The following FAM114A1 variants were observed in gnomAD, a reference collection of about 807,000 sequenced individuals.
FAM114A1 encodes protein NOXP20.
In FAM114A1, 62 loss-of-function variants were observed where a neutral mutation model predicts 64.3. That is an observed-to-expected ratio of 0.96 (90% CI 0.79 to 1.19). FAM114A1 has a LOEUF of 1.19. Among genes scored for constraint, FAM114A1 ranks in the 50% most tolerant of loss-of-function variants. The probability of loss-of-function intolerance (pLI) is 0.00; values close to 1 mark genes in which losing one functional copy is unlikely to be tolerated. For synonymous variants in FAM114A1, 254 were observed against 251.1 expected (o/e 1.01, Z -0.11); for missense variants, 645 against 676.3 (o/e 0.95, Z 0.51).
chr4:38,936,935 T>C (rs1325391321), intron 13 of FAM114A1, among the ~76,000 whole-genome samples: 1 of 152,218 alleles, frequency 6.6e-6, no homozygotes, highest in East Asian at 1.9e-4. Context: ...GTGTTTCTAT[T>C]AACAGGGTAA....
chr4:38,922,764 T>C lies in FAM114A1; in HGVS notation c.946-6T>C. The C allele has an allele frequency of 6.2e-7, 1 of 1,607,400 alleles. No individual in the cohort carries two copies. The highest frequency in any genetic ancestry group is 8.5e-7 in the Non-Finnish European group (1 of 1,178,268). On this transcript the variant is annotated splice_region_variant and splice_polypyrimidine_tract_variant and intron_variant, in intron 8 of 14. Transcript: ENST00000358869. ...GACAGTCGTGCTGACCTATTTCTTT[T>C]TTCAGGTTCAGTCATTTTTAGCATC...
Position 38,891,791 on chromosome 4 carries a change from T to G in FAM114A1, c.397T>G (p.Trp133Gly). Residue 133 changes from tryptophan to glycine, a missense_variant, in exon 4 of 15, where the codon TGG (tryptophan) becomes GGG (glycine). Trp to Gly is a radical substitution (Grantham distance 184). Transcript: ENST00000358869. ...SGGGWAGWGS[W>G]GKSLLSSASA... The stretch of plus-strand genomic sequence containing the variant: ...AGGAGGATGGGCAGGCTGGGGATCC[T>G]GGGGCAAATCTCTGCTGTCGTCAGC... 1 of 1,612,834 alleles carries G rather than the reference T, an allele frequency of 6.2e-7. No homozygotes were observed. The highest frequency in any genetic ancestry group is 1.1e-5 in the South Asian group (1 of 90,882).
chr4:38,907,722 G>A (rs1249368611), intron 6 of FAM114A1, among the ~76,000 whole-genome samples: 1 of 152,062 alleles, frequency 6.6e-6, no homozygotes, highest in Non-Finnish European at 1.5e-5. Context: ...ATTGGAAAAT[G>A]CATATCAGTA....
intron 4 of FAM114A1, among the ~76,000 whole-genome samples, chr4:38,895,583 G>A (rs896519930): frequency 2.0e-5 from 3 of 152,146 alleles, no homozygotes; most frequent in Non-Finnish European, 4.4e-5. Context: ...CACTCCAAAG[G>A]GAAGGGATCA....
At chr4:38,923,126 A>C (rs1719770254) in intron 9 of FAM114A1, among the ~76,000 whole-genome samples, 1 of 152,098 alleles carries the variant, frequency 6.6e-6, no homozygotes. Flanking sequence ...AATCCCTGGC[A>C]CATCACAGGC....
chr4:38,902,969 T>C (rs1717652329), intron 4 of FAM114A1, among the ~76,000 whole-genome samples: 2 of 152,164 alleles, frequency 1.3e-5, no homozygotes, highest in Non-Finnish European at 2.9e-5. Context: ...ATCTTAGCTA[T>C]GAAAAATTAT....
At chr4:38,895,743 A>G (rs887790113) in intron 4 of FAM114A1, among the ~76,000 whole-genome samples, 1 of 152,234 alleles carries the variant, frequency 6.6e-6, no homozygotes, top group Non-Finnish European at 1.5e-5. Flanking sequence ...AGACCTACAC[A>G]GCTAGGCTAT....
At chr4:38,878,558 A>T in intron 3 of FAM114A1, 132 bp downstream of exon 3, 1 of 675,486 alleles carries the variant, frequency 1.5e-6, no homozygotes, top group Non-Finnish European at 2.4e-6. Flanking sequence ...CTGTCATCAG[A>T]AATGTGTAGT....
At chr4:38,892,681 G>A (rs544728629) in intron 4 of FAM114A1, among the ~76,000 whole-genome samples, 2 of 152,334 alleles carry the variant, frequency 1.3e-5, no homozygotes, top group African/African-American at 4.8e-5. Context: ...GATAGGGGAA[G>A]CCACAGGTAA....
At chr4:38,941,729 G>A (rs1198372637) in intron 14 of FAM114A1, among the ~76,000 whole-genome samples, 1 of 152,198 alleles carries the variant, frequency 6.6e-6, no homozygotes, top group African/African-American at 2.4e-5. Flanking sequence ...TAAACTATAA[G>A]TAACAGCCGC....
chr4:38,924,581 G>A (rs1365749701), intron 9 of FAM114A1, among the ~76,000 whole-genome samples: 1 of 152,164 alleles, frequency 6.6e-6, no homozygotes, highest in Non-Finnish European at 1.5e-5. Flanking sequence ...TCAGCTTAAT[G>A]AGATTTATGC....
chr4:38,935,606 T>C, intron 12 of FAM114A1, 112 bp from the exon 13 acceptor site: 1 of 676,908 alleles, frequency 1.5e-6, no homozygotes, highest in Non-Finnish European at 2.4e-6. Context: ...TCTTCAAGCA[T>C]GTGTGGCATT....
chr4:38,938,068 A>G (rs948950442), intron 13 of FAM114A1, among the ~76,000 whole-genome samples: 18 of 152,176 alleles, frequency 1.2e-4, no homozygotes, highest in Admixed American at 1.0e-3. Context: ...GCTGCTATTA[A>G]TGTGACTCAG....
intron 7 of FAM114A1, among the ~76,000 whole-genome samples, chr4:38,911,861 C>CT (rs375816760): frequency 0.024 from 1,307 of 54,042 alleles, 43 homozygotes; most frequent in African/African-American, 0.053. Flanking sequence ...TTTCTTTTTT[C>CT]TTTTTTTTTT....
At chr4:38,937,860 G>A (rs1162454442) in intron 13 of FAM114A1, among the ~76,000 whole-genome samples, 2 of 152,028 alleles carry the variant, frequency 1.3e-5, no homozygotes, top group African/African-American at 4.8e-5. Flanking sequence ...TCAGCCTCCT[G>A]AGTAGCTGGG....
intron 8 of FAM114A1, among the ~76,000 whole-genome samples, chr4:38,920,086 A>G (rs1317372136): frequency 6.6e-6 from 1 of 151,948 alleles, no homozygotes; most frequent in African/African-American, 2.4e-5. Context: ...GCGTGTACCT[A>G]TAGTCCCAGC....
chr4:38,877,086 G>A (rs1714719489), intron 2 of FAM114A1, among the ~76,000 whole-genome samples: 1 of 152,086 alleles, frequency 6.6e-6, no homozygotes, highest in South Asian at 2.1e-4. Flanking sequence ...CAGGAATTGG[G>A]ATGTGGTTAT....
intron 4 of FAM114A1, among the ~76,000 whole-genome samples, chr4:38,901,362 C>T (rs1045558332): frequency 7.2e-5 from 11 of 152,020 alleles, no homozygotes; most frequent in Non-Finnish European, 1.2e-4. Flanking sequence ...AAACTCAGCT[C>T]GCTGCACCCA....
intron 11 of FAM114A1, among the ~76,000 whole-genome samples, 194 bp downstream of exon 11, chr4:38,931,806 T>G (rs745395637): frequency 6.6e-6 from 1 of 152,184 alleles, no homozygotes; most frequent in African/African-American, 2.4e-5. Flanking sequence ...ATAATAATAA[T>G]TAGCAGGGCG....
Sources: gnomAD v4.1 joint callset for allele counts (sites outside exome capture counted in the v4.1 genomes callset) on GRCh38, gnomAD v4.1.1 for gene constraint, MANE v1.5 for transcripts, NCBI Gene and HGNC (gene_info 2026-07-23, HGNC 2026-07-21) for gene names.